NELFB: variants seen among roughly 807,000 people sequenced by gnomAD.
The protein encoded by NELFB is negative elongation factor B.
NELFB carries 34 observed loss-of-function variants against 60.2 expected under a neutral mutation model. The observed-to-expected ratio is 0.56, with a 90% CI of 0.43 to 0.75. The LOEUF is 0.75. Ranked by LOEUF, NELFB falls within the 30% of genes least tolerant of loss-of-function variation. The pLI, the probability that NELFB is intolerant of heterozygous loss-of-function variation, is 0.00. For synonymous variants in NELFB, 459 were observed against 382.1 expected (o/e 1.20, Z -2.35); for missense variants, 770 against 831.6 (o/e 0.93, Z 0.91).
In NELFB at chr9:137,261,121, TC is replaced by T. The variant is rs569907182; in HGVS notation, c.742-1915del. 5.0e-3 allele frequency among the ~76,000 whole-genome samples: 761 copies of T among 151,292 alleles called. 3 individuals carry two copies. The highest frequency in any genetic ancestry group is 0.024 in the Middle Eastern group (7 of 292). Reference sequence around the variant, plus strand: ...ACTTTGGGAGGCCGAGGCGGGTGGATCATGAGGTCAGGAGATCGAGACCATC... The same window carrying T: ...ACTTTGGGAGGCCGAGGCGGGTGGATATGAGGTCAGGAGATCGAGACCATC... On this transcript the variant is annotated intron_variant, in intron 4 of 12. Transcript: ENST00000343053.
Position 137,260,457 on chromosome 9 carries a change from AT to A in NELFB, c.742-2567del, listed in dbSNP as rs141243622. Reference sequence around the variant, plus strand: ...GTTTTATTTTATTTTAGTTTGTTTTATTTTTTTTTTTTTGAGACGTAGTGTC... The same window carrying A: ...GTTTTATTTTATTTTAGTTTGTTTTATTTTTTTTTTTTGAGACGTAGTGTC... On this transcript the variant is annotated intron_variant, in intron 4 of 12. Coordinates refer to ENST00000343053, the MANE Select transcript of NELFB (RefSeq NM_015456.5). Among the ~76,000 whole-genome samples the A allele has an allele frequency of 5.3e-3, 675 of 126,610 alleles. 7 individuals are homozygous for A. Among genetic ancestry groups the A allele is most frequent in the African/African-American group, 0.017 (592 of 33,926 alleles). 83.1% of individuals were successfully genotyped at this position (126,610 alleles called of 152,430 possible). A position where few individuals can be genotyped will look rare whatever the true frequency, so the allele number is the denominator to read the frequency against.
intron 8 of NELFB, 31 bp from the exon 9 acceptor site, chr9:137,266,913 C>T (rs752926520): frequency 1.6e-5 from 26 of 1,609,394 alleles, no homozygotes; most frequent in Middle Eastern, 2.0e-4. Context: ...GGCCCGGGCC[C>T]GCGCCCGCTC....
At position 137,269,826 on chromosome 9, in the gene NELFB, C is replaced by T. The variant is rs929304538; in HGVS notation, c.1490-2255C>T. Among the ~76,000 whole-genome samples, 2 of 152,168 alleles carry T rather than the reference C, an allele frequency of 1.3e-5. No individual in the cohort carries two copies. The highest frequency in any genetic ancestry group is 4.8e-5 in the African/African-American group (2 of 41,442). On this transcript the variant is annotated intron_variant, in intron 10 of 12. Coordinates refer to ENST00000343053, the MANE Select transcript of NELFB (RefSeq NM_015456.5). The surrounding 1 kb of genome is among the most constrained non-coding windows in gnomAD (Gnocchi z 5.3). ...TTGTGGCTAGAAACAGGCTGGGAAC[C>T]AGGAGTGCAGCTTCTCGGAGTACGT... is the stretch of plus-strand genomic sequence containing the variant.
At chr9:137,267,496 T>A in intron 10 of NELFB, 150 bp downstream of exon 10, 1 of 636,656 alleles carries the variant, frequency 1.6e-6, no homozygotes, top group East Asian at 2.9e-5. Context: ...TCACCTTTTT[T>A]TTTTTTTTTT....
At chr9:137,256,290 G>T in intron 2 of NELFB, 39 bp from the exon 3 acceptor site, 3 of 1,583,774 alleles carry the variant, frequency 1.9e-6, no homozygotes, top group South Asian at 1.1e-5. Context: ...GCTGCGATTT[G>T]GCGCATCGCT....
Position 137,272,088 on chromosome 9 carries a change from C to G in NELFB, c.1497C>G (p.Thr499=), listed in dbSNP as rs1403059660. 3 of 1,614,032 alleles carry G rather than the reference C, an allele frequency of 1.9e-6. No homozygotes were observed. The African/African-American group carries it at 4.0e-5, about 22-fold the overall frequency. ...TGCCTGCTGTGTCTGCAGTGGAGACCTTTGGCGACTTGGCCTTTGGCGACA... is the reference window on the plus strand; with the variant it reads ...TGCCTGCTGTGTCTGCAGTGGAGACGTTTGGCGACTTGGCCTTTGGCGACA... Residue 499 remains threonine, a synonymous_variant, in exon 11 of 13, where the codon ACC becomes ACG. Transcript: ENST00000343053.
intron 1 of NELFB, 90 bp from the exon 2 acceptor site, chr9:137,255,817 A>T: frequency 1.9e-6 from 3 of 1,559,494 alleles, no homozygotes; most frequent in Non-Finnish European, 2.6e-6. Context: ...ACGGCTGGGA[A>T]CACCTGGGTG....
Position 137,272,152 on chromosome 9 carries a change from G to A in NELFB, c.1561G>A (p.Ala521Thr). The change falls in exon 11 of 13, where the codon GCC becomes ACC. Residue 521 changes from alanine (A) to threonine (T), a missense_variant. Transcript: ENST00000343053. ...GCTCACGGGCAACCTTGCGCTGCTG[G>A]CCGACGAATTTGCCCTTGAGGACTT... The A allele has an allele frequency of 4.3e-6, 7 of 1,614,202 alleles. No homozygotes were observed. Among genetic ancestry groups the A allele is most frequent in the Non-Finnish European group, 5.9e-6 (7 of 1,180,032 alleles).
In NELFB at chr9:137,264,302, C is replaced by T. The variant is rs371864566; in HGVS notation, c.985C>T (p.Arg329Trp). The T allele has an allele frequency of 3.7e-6, 6 of 1,604,580 alleles. No individual in the cohort carries two copies. The highest frequency in any genetic ancestry group is 2.2e-5 in the East Asian group (1 of 44,600). ...GCGGTTCGTGGACAGCAAGAGGGCGCGGGAGCTGCAGGGGTTTCTCGATGG... is the reference window on the plus strand; with the variant it reads ...GCGGTTCGTGGACAGCAAGAGGGCGTGGGAGCTGCAGGGGTTTCTCGATGG... The change falls in exon 6 of 13, where the codon CGG (arginine) becomes TGG (tryptophan). Residue 329 changes from arginine to tryptophan, a missense_variant. Transcript: ENST00000343053.
intron 4 of NELFB, 56 bp from the exon 5 acceptor site, chr9:137,262,981 C>G: frequency 6.3e-7 from 1 of 1,580,016 alleles, no homozygotes; most frequent in Admixed American, 1.7e-5. Context: ...CGTGACGTCC[C>G]TGTGTCTGGC....
chr9:137,272,183 G>A lies in NELFB; in HGVS notation c.1592G>A (p.Ser531Asn). 1 of 1,614,180 alleles carries A rather than the reference G, an allele frequency of 6.2e-7. No individual in the cohort carries two copies. Among genetic ancestry groups the A allele is most frequent in the Non-Finnish European group, 8.5e-7 (1 of 1,180,032 alleles). The stretch of plus-strand genomic sequence containing the variant: ...GAATTTGCCCTTGAGGACTTCTGCA[G>A]CAGCCTCTTCGATGGCTTCTTCCTC... The change falls in exon 11 of 13, where the codon AGC becomes AAC. Residue 531 changes from serine to asparagine, a missense_variant. Coordinates refer to ENST00000343053, the MANE Select transcript of NELFB (RefSeq NM_015456.5).
intron 4 of NELFB, among the ~76,000 whole-genome samples, chr9:137,259,674 C>T (rs974683220): frequency 7.3e-5 from 11 of 149,946 alleles, no homozygotes; most frequent in Admixed American, 2.0e-4. Flanking sequence ...ATATTTTTAT[C>T]TTGTTTTATT....
At position 137,272,844 on chromosome 9, in the gene NELFB, C is replaced by T. The variant is rs1352117133; in HGVS notation, c.1803C>T (p.His601=). 6.5e-7 allele frequency: 1 copy of T among 1,550,004 alleles called. No individual in the cohort carries two copies. The change falls in exon 13 of 13, where the codon CAC becomes CAT. Residue 601 remains histidine (H), a synonymous_variant. Transcript: ENST00000343053. ...GCGAGAAGCTGGAACAGCTGGATCA[C>T]CGGAAGCCCAGCCCGGCACAGGCTG... is the stretch of plus-strand genomic sequence containing the variant.
intron 10 of NELFB, 31 bp from the exon 11 acceptor site, chr9:137,272,050 G>C (rs758184247): frequency 1.8e-5 from 29 of 1,613,308 alleles, no homozygotes; most frequent in Non-Finnish European, 2.4e-5. Flanking sequence ...CAGGGTGAGT[G>C]GCACTGGGCT....
chr9:137,262,558 CTAATATTCAAAT>C (rs1328936202), intron 4 of NELFB, among the ~76,000 whole-genome samples: 4 of 152,236 alleles, frequency 2.6e-5, no homozygotes, highest in Non-Finnish European at 5.9e-5. Context: ...AAGCTAATGA[CTAATATTCAAAT>C]ATAATCATAT....
chr9:137,261,281 A>G (rs1830439686), intron 4 of NELFB, among the ~76,000 whole-genome samples: 1 of 149,386 alleles, frequency 6.7e-6, no homozygotes, highest in Admixed American at 6.7e-5. Flanking sequence ...TGGAGCTTGC[A>G]GTGAGCTGAG....
At chr9:137,255,705 C>T (rs1837539770) in intron 1 of NELFB, 94 bp downstream of exon 1, 1 of 1,448,102 alleles carries the variant, frequency 6.9e-7, no homozygotes, top group East Asian at 2.4e-5. Context: ...AGTTTTCCGG[C>T]TTTCTGCTGG....
At position 137,255,456 on chromosome 9, in the gene NELFB, G is replaced by A; in HGVS notation, c.91G>A (p.Gly31Arg). The change falls in exon 1 of 13, where the codon GGG becomes AGG. Residue 31 changes from glycine to arginine, a missense_variant. Gly to Arg is a moderately radical substitution (Grantham distance 125). Coordinates refer to ENST00000343053, the MANE Select transcript of NELFB (RefSeq NM_015456.5). ...TTCTGGGGTGTCTGCGGCGGCGCCGGGGGAACGGGCTGGGGATGGGGCGCC... is the reference window on the plus strand; with the variant it reads ...TTCTGGGGTGTCTGCGGCGGCGCCGAGGGAACGGGCTGGGGATGGGGCGCC... 2 of 1,454,890 alleles carry A rather than the reference G, an allele frequency of 1.4e-6. No individual in the cohort carries two copies. The highest frequency in any genetic ancestry group is 1.8e-6 in the Non-Finnish European group (2 of 1,097,974). The allele number at this position is 1,454,890 out of a possible 1,614,324, so 90.1% of individuals were successfully genotyped here. A position where few individuals can be genotyped will look rare whatever the true frequency, so the allele number is the denominator to read the frequency against.
At position 137,256,425 on chromosome 9, in the gene NELFB, C is replaced by T. The variant is rs997700859; in HGVS notation, c.507C>T (p.Pro169=). ...TGATGTGCGTCATGAAGCACCTGCCCAAGGTAGGGCCCTAACCCTAACCCT... is the reference window on the plus strand; with the variant it reads ...TGATGTGCGTCATGAAGCACCTGCCTAAGGTAGGGCCCTAACCCTAACCCT... The change falls in exon 3 of 13, where the codon CCC becomes CCT. Residue 169 remains proline, a synonymous_variant. Transcript: ENST00000343053. The T allele has an allele frequency of 6.2e-7, 1 of 1,613,200 alleles. No individual in the cohort carries two copies. Among genetic ancestry groups the T allele is most frequent in the Non-Finnish European group, 8.5e-7 (1 of 1,179,736 alleles).
Sources: allele counts gnomAD v4.1 joint callset (sites outside exome capture counted in the v4.1 genomes callset), GRCh38; gene constraint gnomAD v4.1.1; non-coding constraint Gnocchi (gnomAD v3.1); transcripts MANE v1.5; gene names NCBI Gene and HGNC (gene_info 2026-07-23, HGNC 2026-07-21).